NOL10: variants seen among roughly 807,000 people sequenced by gnomAD.
The protein encoded by NOL10 is nucleolar protein 10.
In NOL10, 58 loss-of-function variants were observed where a neutral mutation model predicts 103.5. The observed-to-expected ratio is 0.56, with a 90% CI of 0.45 to 0.70. The LOEUF (loss-of-function observed/expected upper bound fraction) is 0.70. Among genes scored for constraint, NOL10 ranks in the 30% least tolerant of loss-of-function variants. The probability of loss-of-function intolerance (pLI) is 0.00; values close to 1 mark genes in which losing one functional copy is unlikely to be tolerated. For synonymous variants in NOL10, 287 were observed against 282.5 expected, an observed-to-expected ratio of 1.02 and a Z score of -0.16; for missense variants, 763 against 807.3, an observed-to-expected ratio of 0.95 and a Z score of 0.67.
intron 18 of NOL10, 131 bp from the exon 19 acceptor site, chr2:10,589,421 C>T: frequency 7.6e-7 from 1 of 1,323,334 alleles, no homozygotes; most frequent in Non-Finnish European, 1.0e-6. Context: ...AGGAGAAATG[C>T]CTTTAAATAA....
chr2:10,679,583 TTTTTCTTTCCTCTCTCCTTC>T (rs1681574115), intron 3 of NOL10, among the ~76,000 whole-genome samples: 1 of 152,078 alleles, frequency 6.6e-6, no homozygotes, highest in African/African-American at 2.4e-5. Flanking sequence ...CTTTCTTTCC[TTTTTCTTTCCTCTCTCCTTC>T]CTCTCTTTCT....
chr2:10,637,402 G>A (rs1296040784), intron 13 of NOL10, among the ~76,000 whole-genome samples: 1 of 152,030 alleles, frequency 6.6e-6, no homozygotes, highest in Non-Finnish European at 1.5e-5. Flanking sequence ...GATTTCAAAA[G>A]CATCTCCCTG....
chr2:10,620,416 G>A (rs772985395), intron 13 of NOL10, among the ~76,000 whole-genome samples: 63 of 152,306 alleles, frequency 4.1e-4, no homozygotes, highest in Non-Finnish European at 8.2e-4. Context: ...CTAGGAAGGT[G>A]AAAAAATATA....
intron 9 of NOL10, among the ~76,000 whole-genome samples, chr2:10,661,143 T>C (rs555892141): frequency 3.3e-5 from 5 of 152,324 alleles, no homozygotes; most frequent in Non-Finnish European, 5.9e-5. Flanking sequence ...TGGCATGATC[T>C]TGGCTCACTG....
At chr2:10,676,305 C>T (rs1466149495) in intron 3 of NOL10, among the ~76,000 whole-genome samples, 5 of 152,188 alleles carry the variant, frequency 3.3e-5, no homozygotes, top group African/African-American at 9.6e-5. Context: ...TTTCAACTTA[C>T]ATAAATTGAA....
chr2:10,689,722 G>A (rs543045250), intron 1 of NOL10, 74 bp downstream of exon 1: 2 of 1,415,332 alleles, frequency 1.4e-6, no homozygotes, highest in South Asian at 1.2e-5. Flanking sequence ...CTAGGGCCGA[G>A]GAGAGGGGCG....
At chr2:10,620,249 C>A (rs1677059471) in intron 13 of NOL10, among the ~76,000 whole-genome samples, 1 of 152,016 alleles carries the variant, frequency 6.6e-6, no homozygotes, top group Non-Finnish European at 1.5e-5. Flanking sequence ...TTATTGCTTT[C>A]TAATTCTTAA....
intron 1 of NOL10, among the ~76,000 whole-genome samples, chr2:10,685,805 G>A (rs996496050): frequency 2.0e-5 from 3 of 151,908 alleles, no homozygotes; most frequent in Non-Finnish European, 4.4e-5. Flanking sequence ...CAAGTGCAGT[G>A]GTTCATATCT....
chr2:10,605,819 A>G (rs936871402), intron 14 of NOL10, among the ~76,000 whole-genome samples: 2 of 152,238 alleles, frequency 1.3e-5, no homozygotes, highest in Admixed American at 6.5e-5. Flanking sequence ...AAAAGGCTAA[A>G]TTCAGCTCTT....
intron 14 of NOL10, 146 bp from the exon 15 acceptor site, chr2:10,603,303 T>C (rs1676083698): frequency 3.2e-6 from 2 of 628,554 alleles, no homozygotes; most frequent in Admixed American, 6.0e-5. Flanking sequence ...TTCTTTGATA[T>C]CTATAGAGAA....
chr2:10,637,092 C>T (rs1678286009), intron 13 of NOL10, among the ~76,000 whole-genome samples: 1 of 145,878 alleles, frequency 6.9e-6, no homozygotes, highest in Non-Finnish European at 1.5e-5. Context: ...ATCCCAGCTA[C>T]TTGAGAGGCT....
At chr2:10,654,659 G>T in intron 11 of NOL10, 112 bp from the exon 12 acceptor site, 1 of 522,210 alleles carries the variant, frequency 1.9e-6, no homozygotes, top group South Asian at 3.6e-5. Context: ...AAATAAAATA[G>T]CCTACTTCAA....
intron 15 of NOL10, 71 bp from the exon 16 acceptor site, chr2:10,602,945 G>A (rs1007810260): frequency 1.3e-5 from 17 of 1,267,698 alleles, no homozygotes; most frequent in Middle Eastern, 1.9e-4. Context: ...TATACACCAC[G>A]ACAGTTATGC....
chr2:10,622,960 T>C (rs531597124), intron 13 of NOL10, among the ~76,000 whole-genome samples: 1 of 152,212 alleles, frequency 6.6e-6, no homozygotes, highest in Non-Finnish European at 1.5e-5. Context: ...CTCCCCATCA[T>C]CCATCACTCC....
intron 4 of NOL10, among the ~76,000 whole-genome samples, chr2:10,674,482 T>C (rs1681162106): frequency 6.6e-6 from 1 of 152,178 alleles, no homozygotes; most frequent in African/African-American, 2.4e-5. Context: ...GATAAGACAT[T>C]GCTCCCATGA....
intron 12 of NOL10, among the ~76,000 whole-genome samples, chr2:10,648,815 T>C (rs1180178062): frequency 2.6e-5 from 4 of 152,088 alleles, no homozygotes; most frequent in African/African-American, 4.8e-5. Context: ...CTGAGACCAC[T>C]GGCCTGATCT....
At chr2:10,574,090 A>AT (rs1426434258) in intron 20 of NOL10, among the ~76,000 whole-genome samples, 3 of 152,218 alleles carry the variant, frequency 2.0e-5, no homozygotes, top group Non-Finnish European at 4.4e-5. Flanking sequence ...AGTTCTAATG[A>AT]TATAATTAGA....
chr2:10,598,183 C>A (rs1027652318), intron 17 of NOL10, among the ~76,000 whole-genome samples: 1 of 152,158 alleles, frequency 6.6e-6, no homozygotes, highest in African/African-American at 2.4e-5. Flanking sequence ...CTTTAGTCCA[C>A]AAATCCCTAC....
chr2:10,600,985 G>T, intron 16 of NOL10, 43 bp from the exon 17 acceptor site: 2 of 1,236,394 alleles, frequency 1.6e-6, no homozygotes, highest in Non-Finnish European at 2.3e-6. Flanking sequence ...TATTTTAAAA[G>T]CTAACATATT....
Sources: allele counts gnomAD v4.1 joint callset (sites outside exome capture counted in the v4.1 genomes callset), GRCh38; gene constraint gnomAD v4.1.1; transcripts MANE v1.5; gene names NCBI Gene and HGNC (gene_info 2026-07-23, HGNC 2026-07-21).